GPM6B: variants seen among roughly 807,000 people sequenced by gnomAD.
GPM6B encodes the protein neuronal membrane glycoprotein M6-b.
In GPM6B, 4 loss-of-function variants were observed where a neutral mutation model predicts 27.2. The observed-to-expected ratio is 0.15, with a 90% confidence interval of 0.07 to 0.34. The LOEUF is 0.34. Ranked by LOEUF, GPM6B falls within the 10% of genes least tolerant of loss-of-function variation. The pLI, the probability that GPM6B is intolerant of heterozygous loss-of-function variation, is 1.00. For synonymous variants in GPM6B, 124 were observed against 103.1 expected, an observed-to-expected ratio of 1.20 and a Z score of -1.23; for missense variants, 183 against 261.9, an observed-to-expected ratio of 0.70 and a Z score of 2.08.
chrX:13,823,665 G>A (rs762892130), intron 1 of GPM6B, among the ~76,000 whole-genome samples: 36 of 110,915 alleles, frequency 3.2e-4, no homozygotes, highest in African/African-American at 1.3e-4. Context: ...GACTATAGGC[G>A]TGTGCCACCA....
chrX:13,832,676 G>A (rs2147218510), intron 1 of GPM6B, among the ~76,000 whole-genome samples: 1 of 111,867 alleles, frequency 8.9e-6, no homozygotes, highest in South Asian at 3.7e-4. Flanking sequence ...CTGTTCAATT[G>A]TCTCATCTGT....
At chrX:13,848,232 C>T (rs996969629) in intron 1 of GPM6B, among the ~76,000 whole-genome samples, 1 of 111,907 alleles carries the variant, frequency 8.9e-6, no homozygotes, top group East Asian at 2.8e-4. Context: ...GCCTTCCCAC[C>T]TCTGAAGGTT....
chrX:13,823,762 C>T (rs1029852417), intron 1 of GPM6B, among the ~76,000 whole-genome samples: 13 of 111,867 alleles, frequency 1.2e-4, no homozygotes, highest in Non-Finnish European at 1.9e-4. Flanking sequence ...TCAAGTGATC[C>T]GCCTGCCTCA....
intron 1 of GPM6B, among the ~76,000 whole-genome samples, chrX:13,872,163 CTTTTTTTTT>C (rs72226692): frequency 7.7e-5 from 2 of 25,838 alleles, no homozygotes; most frequent in South Asian, 4.4e-3. Context: ...TGTGACATCA[CTTTTTTTTT>C]TTTTTTTTTT....
intron 1 of GPM6B, among the ~76,000 whole-genome samples, chrX:13,877,552 G>A (rs945768008): frequency 4.5e-5 from 5 of 110,531 alleles, no homozygotes; most frequent in African/African-American, 1.6e-4. Flanking sequence ...ACCAGGCACA[G>A]TGGCATACAT....
intron 7 of GPM6B, chrX:13,773,573 G>C (rs1210486463): frequency 2.7e-5 from 3 of 111,812 alleles, no homozygotes; most frequent in African/African-American, 9.7e-5. Flanking sequence ...TGCAGTCTCT[G>C]TTAACAAAAC....
intron 1 of GPM6B, among the ~76,000 whole-genome samples, chrX:13,901,208 G>A (rs1046842106): frequency 9.9e-5 from 11 of 111,287 alleles, no homozygotes; most frequent in African/African-American, 3.6e-4. Flanking sequence ...CTACTGCCTC[G>A]GCATAAATGG....
chrX:13,776,592 C>T (rs746404282), intron 6 of GPM6B, among the ~76,000 whole-genome samples: 4 of 111,991 alleles, frequency 3.6e-5, no homozygotes, highest in Non-Finnish European at 5.6e-5. Context: ...CATGCAGCCA[C>T]GGTGGGGAGC....
rs2048412482 is a variant in GPM6B, at chrX:13,776,335, T to C, written c.772-32A>G. The C allele has an allele frequency of 3.6e-5, 40 of 1,117,375 alleles. 1 individual carries two copies. The highest frequency in any genetic ancestry group is 4.8e-5 in the Non-Finnish European group (39 of 814,981). The allele number at this position is 1,117,375 out of a possible 1,213,427, so 92.1% of individuals were successfully genotyped here. A position where few individuals can be genotyped will look rare whatever the true frequency, so the allele number is the denominator to read the frequency against. On this transcript the variant is annotated intron_variant, in intron 6 of 7. Coordinates refer to ENST00000316715, the MANE Select transcript of GPM6B (RefSeq NM_001001995.3). ...AAGAACAGGGCATCAACATAAGCAT[T>C]TGATGTTAAATGAAATGGCCTACAC...
chrX:13,785,920 C>T lies in GPM6B; in HGVS notation c.182-112G>A. 3.5e-6 allele frequency: 2 copies of T among 578,240 alleles called. 1 individual carries two copies. The highest frequency in any genetic ancestry group is 1.0e-3 in the Middle Eastern group (2 of 1,974). 47.7% of individuals were successfully genotyped at this position (578,240 alleles called of 1,213,427 possible). On this transcript the variant is annotated intron_variant, in intron 2 of 7. Coordinates refer to ENST00000316715, the MANE Select transcript of GPM6B (RefSeq NM_001001995.3). ...ACAATTTTCCATCTCCCCTCTCAGGCTCTATGGTTAATATTAATACTTCGA... is the reference window on the plus strand; with the variant it reads ...ACAATTTTCCATCTCCCCTCTCAGGTTCTATGGTTAATATTAATACTTCGA...
At chrX:13,888,358 T>G (rs2050157378) in intron 1 of GPM6B, among the ~76,000 whole-genome samples, 1 of 111,328 alleles carries the variant, frequency 9.0e-6, no homozygotes, top group Non-Finnish European at 1.9e-5. Flanking sequence ...TCCGAGGATA[T>G]AGAGAAACAC....
At chrX:13,837,077 T>C (rs1343021887) in intron 1 of GPM6B, among the ~76,000 whole-genome samples, 2 of 112,021 alleles carry the variant, frequency 1.8e-5, no homozygotes, top group African/African-American at 6.5e-5. Flanking sequence ...TGCATAAAAA[T>C]TTAACTACAT....
At chrX:13,862,002 G>A (rs1421069248) in intron 1 of GPM6B, among the ~76,000 whole-genome samples, 3 of 111,248 alleles carry the variant, frequency 2.7e-5, no homozygotes, top group African/African-American at 9.8e-5. Flanking sequence ...AGCTCAGTGG[G>A]TTAAATCTAA....
intron 7 of GPM6B, chrX:13,773,953 CTTTT>C (rs772367299): frequency 2.1e-4 from 91 of 435,894 alleles, no homozygotes; most frequent in Middle Eastern, 1.4e-3. Flanking sequence ...CATATAAATC[CTTTT>C]TTTTTTTTTT....
At chrX:13,814,013 CT>C (rs760428225) in intron 1 of GPM6B, among the ~76,000 whole-genome samples, 8 of 111,540 alleles carry the variant, frequency 7.2e-5, no homozygotes, top group Non-Finnish European at 1.5e-4. Context: ...AAATGCTTTC[CT>C]TTTTTAAGGA....
At chrX:13,776,136 A>AT (rs1157352154) in intron 7 of GPM6B, 102 bp downstream of exon 7, 3 of 650,196 alleles carry the variant, frequency 4.6e-6, no homozygotes, top group Non-Finnish European at 7.5e-6. Flanking sequence ...GAGTGCCAGA[A>AT]TCATTGGCTT....
At chrX:13,798,857 C>T (rs975725038) in intron 2 of GPM6B, among the ~76,000 whole-genome samples, 3 of 111,971 alleles carry the variant, frequency 2.7e-5, no homozygotes, top group Non-Finnish European at 5.7e-5. Context: ...GCATCCCTGA[C>T]CTCTACACCA....
In GPM6B at chrX:13,921,223, C is replaced by T. The variant is rs190928867; in HGVS notation, c.-198+17104G>A. ...GAAAAGATTTGTCCTGAAAGATGCC[C>T]TTCAGAAAGTACCTCCTGAACTGGG... On this transcript the variant is annotated intron_variant, in intron 1 of 6. Transcript: ENST00000398361. 9.7e-3 allele frequency among the ~76,000 whole-genome samples: 1,083 copies of T among 112,214 alleles called. 9 individuals are homozygous for T. Among genetic ancestry groups the T allele is most frequent in the Middle Eastern group, 0.018 (4 of 217 alleles).
At chrX:13,804,417 C>CGGG (rs759066177) in intron 2 of GPM6B, among the ~76,000 whole-genome samples, 8 of 7,739 alleles carry the variant, frequency 1.0e-3, no homozygotes, top group African/African-American at 2.3e-3. Context: ...TCATGGACGG[C>CGGG]GGGGGGGGCG....
Sources: gnomAD v4.1 joint callset for allele counts (sites outside exome capture counted in the v4.1 genomes callset) on GRCh38, gnomAD v4.1.1 for gene constraint, MANE v1.5 for transcripts, NCBI Gene and HGNC (gene_info 2026-07-23, HGNC 2026-07-21) for gene names.